Variants in ROBO1 observed in about 807,000 individuals in gnomAD.
The protein encoded by ROBO1 is roundabout homolog 1.
ROBO1 carries 149 observed loss-of-function variants against 195.9 expected under a neutral mutation model. The ratio of observed to expected loss-of-function variants is 0.76; its 90% CI spans 0.67 to 0.87. ROBO1 has a LOEUF of 0.87. ROBO1 is among the 40% of genes least tolerant of loss of function. The pLI, the probability that ROBO1 is intolerant of heterozygous loss-of-function variation, is 0.00. For synonymous variants in ROBO1, 816 were observed against 733.2 expected (o/e 1.11, Z -1.82); for missense variants, 1,933 against 2,068.3 (o/e 0.93, Z 1.27).
intron 2 of ROBO1, among the ~76,000 whole-genome samples, chr3:79,577,847 G>T (rs548798287): frequency 6.6e-6 from 1 of 152,130 alleles, no homozygotes; most frequent in South Asian, 2.1e-4. Context: ...GGGAGGCAGA[G>T]GTTGCAGTGA....
chr3:79,632,329 C>A (rs1341045663), intron 1 of ROBO1, among the ~76,000 whole-genome samples: 2 of 152,004 alleles, frequency 1.3e-5, no homozygotes, highest in Non-Finnish European at 2.9e-5. Flanking sequence ...GCTTTTGCAG[C>A]AATAAGGATG....
intron 3 of ROBO1, among the ~76,000 whole-genome samples, chr3:79,116,367 GTTC>G (rs1471749717): frequency 3.0e-5 from 2 of 66,478 alleles, no homozygotes; most frequent in Non-Finnish European, 6.5e-5. Flanking sequence ...TATTTTTTTC[GTTC>G]TTTTCTTTCT....
intron 2 of ROBO1, among the ~76,000 whole-genome samples, chr3:79,580,460 C>T (rs1264772272): frequency 3.3e-5 from 5 of 151,892 alleles, no homozygotes; most frequent in African/African-American, 1.2e-4. Context: ...CCAGCCTGGG[C>T]AACAGAGCGA....
chr3:79,387,251 A>C (rs1012139142), intron 2 of ROBO1, among the ~76,000 whole-genome samples: 5 of 152,152 alleles, frequency 3.3e-5, no homozygotes, highest in Non-Finnish European at 7.4e-5. Context: ...CAGTATAAGT[A>C]AACCAGAAAA....
chr3:78,975,150 G>A (rs558198958), intron 3 of ROBO1, among the ~76,000 whole-genome samples: 5 of 152,186 alleles, frequency 3.3e-5, no homozygotes, highest in Non-Finnish European at 7.4e-5. Context: ...TTAAGGAAAC[G>A]GGTCCTGCCT....
At chr3:79,748,736 A>T (rs1703984004) in intron 1 of ROBO1, among the ~76,000 whole-genome samples, 1 of 152,134 alleles carries the variant, frequency 6.6e-6, no homozygotes, top group Non-Finnish European at 1.5e-5. Flanking sequence ...GATGGCTTTA[A>T]AAACAGGAGT....
intron 1 of ROBO1, among the ~76,000 whole-genome samples, chr3:79,763,530 A>T (rs1371199175): frequency 6.6e-6 from 1 of 152,130 alleles, no homozygotes; most frequent in African/African-American, 2.4e-5. Context: ...CCAAATGAAG[A>T]AGATAATTTT....
chr3:79,380,819 T>C (rs2036543282), intron 2 of ROBO1, among the ~76,000 whole-genome samples: 1 of 152,148 alleles, frequency 6.6e-6, no homozygotes. Context: ...GTGCCAATTC[T>C]GAGTCAAAGC....
In ROBO1 at chr3:78,975,162, T is replaced by C. The variant is rs139092772; in HGVS notation, c.173-36235A>G. Among the ~76,000 whole-genome samples, 903 of 152,240 alleles carry C rather than the reference T, an allele frequency of 5.9e-3. 6 individuals carry two copies. The highest frequency in any genetic ancestry group is 0.02 in the African/African-American group (851 of 41,570). ...TGGTTAAGGAAACGGGTCCTGCCTC[T>C]AAAAAGTCTCTTAGACTAATCTCAC... On this transcript the variant is annotated intron_variant, in intron 3 of 30. Transcript: ENST00000464233.
At chr3:79,513,055 A>AAAT (rs1343362708) in intron 2 of ROBO1, among the ~76,000 whole-genome samples, 1 of 152,170 alleles carries the variant, frequency 6.6e-6, no homozygotes, top group African/African-American at 2.4e-5. Flanking sequence ...ATCTCATTTC[A>AAAT]GATTACTGAT....
rs183358485 is a variant in ROBO1, at chr3:79,376,057, A to G, written c.88+213767T>C. ...ACATCATTTCCAATCCGTGTAACCT[A>G]ACTAAGCTTAAATAACTAAAGTGTG... On this transcript the variant is annotated intron_variant, in intron 2 of 30. Coordinates refer to ENST00000464233, the MANE Select transcript of ROBO1 (RefSeq NM_002941.4). 2.4e-3 allele frequency among the ~76,000 whole-genome samples: 371 copies of G among 152,300 alleles called. 2 individuals carry two copies. The highest frequency in any genetic ancestry group is 7.6e-3 in the African/African-American group (316 of 41,572).
chr3:79,706,646 T>G (rs959842682), intron 1 of ROBO1, among the ~76,000 whole-genome samples: 1 of 152,078 alleles, frequency 6.6e-6, no homozygotes, highest in African/African-American at 2.4e-5. Context: ...TCATGTGATC[T>G]GATGGTTTTA....
chr3:79,280,741 C>T (rs1432598305), intron 2 of ROBO1, among the ~76,000 whole-genome samples: 1 of 152,170 alleles, frequency 6.6e-6, no homozygotes, highest in East Asian at 1.9e-4. Flanking sequence ...CGAACAGTTT[C>T]AAGCATTCGA....
intron 3 of ROBO1, among the ~76,000 whole-genome samples, chr3:79,094,252 T>G (rs561940050): frequency 6.6e-6 from 1 of 152,084 alleles, no homozygotes; most frequent in Admixed American, 6.6e-5. Flanking sequence ...TTAAGAAGCA[T>G]AGAGTAAGAA....
chr3:78,857,067 A>G (rs1044054160), intron 4 of ROBO1, among the ~76,000 whole-genome samples: 2 of 152,148 alleles, frequency 1.3e-5, no homozygotes, highest in African/African-American at 4.8e-5. Flanking sequence ...TCATTCAAAA[A>G]TCAACAATTA....
intron 2 of ROBO1, among the ~76,000 whole-genome samples, chr3:79,437,602 C>T (rs73848881): frequency 0.02 from 2,989 of 151,982 alleles, 84 homozygotes; most frequent in African/African-American, 0.066. Flanking sequence ...TTATACAAAA[C>T]AATGTGAATA....
At chr3:79,202,536 T>TA (rs1348446203) in intron 2 of ROBO1, among the ~76,000 whole-genome samples, 1 of 124,336 alleles carries the variant, frequency 8.0e-6, no homozygotes, top group Non-Finnish European at 1.7e-5. Context: ...TTAATCTACA[T>TA]AAAAAATCAG....
At chr3:78,630,976 A>G (rs553983234) in intron 25 of ROBO1, among the ~76,000 whole-genome samples, 185 bp downstream of exon 25, 1 of 152,274 alleles carries the variant, frequency 6.6e-6, no homozygotes, top group Non-Finnish European at 1.5e-5. Context: ...CAAAGCACAG[A>G]TTGCTTTTTT....
chr3:79,707,302 C>G (rs1033141527), intron 1 of ROBO1, among the ~76,000 whole-genome samples: 1 of 152,080 alleles, frequency 6.6e-6, no homozygotes, highest in Non-Finnish European at 1.5e-5. Flanking sequence ...TCATAGTATG[C>G]CATTATTATC....
Sources: gnomAD v4.1 joint callset for allele counts (sites outside exome capture counted in the v4.1 genomes callset) on GRCh38, gnomAD v4.1.1 for gene constraint, MANE v1.5 for transcripts, NCBI Gene and HGNC (gene_info 2026-07-23, HGNC 2026-07-21) for gene names.